Variants in IGSF11 observed in about 807,000 individuals in gnomAD.
IGSF11 encodes the protein CXADR like 1.
A neutral mutation model predicts 41.0 loss-of-function variants in IGSF11; 22 were observed. The observed-to-expected ratio is 0.54, with a 90% CI of 0.38 to 0.77. The LOEUF is 0.77. Ranked by LOEUF, IGSF11 falls within the 30% of genes least tolerant of loss-of-function variation. IGSF11 has a pLI of 0.00. For missense variants in IGSF11, 444 were observed against 530.8 expected (o/e 0.84, Z 1.61); for synonymous variants, 219 against 201.3 (o/e 1.09, Z -0.74).
At chr3:119,053,065 T>C (rs1314256728) in intron 1 of IGSF11, among the ~76,000 whole-genome samples, 1 of 152,126 alleles carries the variant, frequency 6.6e-6, no homozygotes, top group Non-Finnish European at 1.5e-5. Context: ...AGTTGAAAGC[T>C]TTCCCCCTGA....
chr3:119,133,810 C>G (rs756749125), intron 1 of IGSF11, among the ~76,000 whole-genome samples: 1 of 152,116 alleles, frequency 6.6e-6, no homozygotes, highest in African/African-American at 2.4e-5. Flanking sequence ...AACATCGATG[C>G]GAAAATCTTC....
intron 1 of IGSF11, among the ~76,000 whole-genome samples, chr3:118,933,150 C>G (rs905819020): frequency 3.9e-5 from 6 of 152,166 alleles, no homozygotes; most frequent in Non-Finnish European, 5.9e-5. Context: ...TCTGAAATAT[C>G]TGAAGAAGAA....
chr3:118,985,249 G>A (rs1358705314), intron 1 of IGSF11, among the ~76,000 whole-genome samples: 1 of 152,156 alleles, frequency 6.6e-6, no homozygotes, highest in East Asian at 1.9e-4. Flanking sequence ...TATGGGAATT[G>A]AAAGAGAAAA....
At chr3:119,009,523 T>G (rs1937838446) in intron 1 of IGSF11, among the ~76,000 whole-genome samples, 1 of 152,168 alleles carries the variant, frequency 6.6e-6, no homozygotes, top group Admixed American at 6.5e-5. Flanking sequence ...CCTGCTGCTT[T>G]GTGAAGAAGG....
chr3:119,059,927 A>G (rs1474492461), intron 1 of IGSF11, among the ~76,000 whole-genome samples: 1 of 152,204 alleles, frequency 6.6e-6, no homozygotes, highest in African/African-American at 2.4e-5. Context: ...ATGATAAGAC[A>G]TAAAAGAAGG....
In IGSF11 at chr3:119,111,607, C is replaced by T. The variant is rs947288317; in HGVS notation, c.-13-6402G>A. On this transcript the variant is annotated intron_variant, in intron 1 of 7. Transcript: ENST00000425327. ...CTCTCAACTCGTCAAAGTCATTCTC[C>T]GTCCAGCTTTGTTCGGTTGCTGGTG... Among the ~76,000 whole-genome samples the T allele has an allele frequency of 1.3e-4, 20 of 152,358 alleles. 1 individual carries two copies. The highest frequency in any genetic ancestry group is 5.8e-4 in the East Asian group (3 of 5,196).
At chr3:118,957,599 A>G (rs528733327) in intron 1 of IGSF11, among the ~76,000 whole-genome samples, 27 of 152,348 alleles carry the variant, frequency 1.8e-4, no homozygotes, top group Non-Finnish European at 3.1e-4. Context: ...GCTCTTACTC[A>G]TCACACTCGC....
chr3:119,017,512 A>C (rs2107706351), intron 1 of IGSF11, among the ~76,000 whole-genome samples: 1 of 152,274 alleles, frequency 6.6e-6, no homozygotes, highest in East Asian at 1.9e-4. Context: ...GCAGCTCCCA[A>C]CTGTAACTGT....
chr3:118,957,091 G>C (rs930793612), intron 1 of IGSF11, among the ~76,000 whole-genome samples: 3 of 152,152 alleles, frequency 2.0e-5, no homozygotes, highest in Non-Finnish European at 2.9e-5. Flanking sequence ...GAGGGTCTAA[G>C]AAGCAGTGGA....
At chr3:118,949,673 A>G (rs1944430419) in intron 1 of IGSF11, among the ~76,000 whole-genome samples, 1 of 152,210 alleles carries the variant, frequency 6.6e-6, no homozygotes, top group Non-Finnish European at 1.5e-5. Context: ...TGCTGCTGTT[A>G]CCTTCATTTT....
chr3:119,061,154 A>G (rs1233252990), intron 1 of IGSF11, among the ~76,000 whole-genome samples: 1 of 152,142 alleles, frequency 6.6e-6, no homozygotes, highest in Non-Finnish European at 1.5e-5. Context: ...AAAAATCAAT[A>G]TATATCTAAT....
intron 1 of IGSF11, among the ~76,000 whole-genome samples, chr3:118,953,083 T>C (rs1191448291): frequency 1.3e-5 from 2 of 151,978 alleles, no homozygotes; most frequent in African/African-American, 2.4e-5. Context: ...CCAAAGTCCA[T>C]TGTATTATTT....
At chr3:118,970,847 T>G (rs1933324588) in intron 1 of IGSF11, among the ~76,000 whole-genome samples, 1 of 152,176 alleles carries the variant, frequency 6.6e-6, no homozygotes. Context: ...TTAAATAGTC[T>G]TTTCATTTGT....
chr3:119,102,039 T>A (rs2076947550), intron 1 of IGSF11, among the ~76,000 whole-genome samples: 1 of 152,190 alleles, frequency 6.6e-6, no homozygotes, highest in African/African-American at 2.4e-5. Flanking sequence ...TCCCCTTCCA[T>A]CTTTTGTTTG....
chr3:119,109,630 A>C (rs555772004), upstream of IGSF11, among the ~76,000 whole-genome samples: 5 of 152,242 alleles, frequency 3.3e-5, no homozygotes, highest in South Asian at 1.0e-3. Context: ...GCCTTCTGCT[A>C]GCTTTTGAAT....
chr3:118,917,312 T>C (rs892828606), intron 4 of IGSF11, among the ~76,000 whole-genome samples: 1 of 149,956 alleles, frequency 6.7e-6, no homozygotes, highest in African/African-American at 2.5e-5. Context: ...AATCAATGAA[T>C]CCAGGAGCTG....
intron 1 of IGSF11, among the ~76,000 whole-genome samples, chr3:119,145,548 G>A (rs73185892): frequency 0.17 from 25,547 of 152,096 alleles, 2,626 homozygotes; most frequent in Non-Finnish European, 0.24. Context: ...CCTCTCTGCT[G>A]TAAGACCACT....
chr3:118,934,246 C>G (rs1943077554), intron 1 of IGSF11, among the ~76,000 whole-genome samples: 1 of 152,170 alleles, frequency 6.6e-6, no homozygotes. Flanking sequence ...CCAGATACCT[C>G]CTTGTGGCTG....
rs190905922 is a variant in IGSF11, at chr3:118,982,723, C to G, written c.52+51808G>C. 3.1e-4 allele frequency among the ~76,000 whole-genome samples: 47 copies of G among 152,220 alleles called. No homozygotes were observed. In the East Asian group the frequency reaches 7.5e-3, roughly 24 times the overall value. On this transcript the variant is annotated intron_variant, in intron 1 of 6. Transcript: ENST00000393775. ...TGAATACCTTAATTCACTGAAAAGGCCTTCTCCTAAAAATGACCCCTCGAC... is the reference window on the plus strand; with the variant it reads ...TGAATACCTTAATTCACTGAAAAGGGCTTCTCCTAAAAATGACCCCTCGAC...
Sources: allele counts gnomAD v4.1 joint callset (sites outside exome capture counted in the v4.1 genomes callset), GRCh38; gene constraint gnomAD v4.1.1; transcripts MANE v1.5; gene names NCBI Gene and HGNC (gene_info 2026-07-23, HGNC 2026-07-21).